Variants in XXYLT1 observed in about 807,000 individuals in gnomAD.
The protein encoded by XXYLT1 is xyloside xylosyltransferase 1.
In XXYLT1, 20 loss-of-function variants were observed where a neutral mutation model predicts 28.9. That is an observed-to-expected ratio of 0.69 (90% CI 0.49 to 1.00). XXYLT1 has a LOEUF of 1.00. XXYLT1 is among the 50% of genes least tolerant of loss of function. XXYLT1 has a pLI of 0.00. For missense variants in XXYLT1, 542 were observed against 560.1 expected (o/e 0.97, Z 0.33); for synonymous variants, 257 against 253.8 (o/e 1.01, Z -0.12).
intron 3 of XXYLT1, among the ~76,000 whole-genome samples, chr3:195,080,552 G>A (rs1715375808): frequency 1.3e-5 from 2 of 152,158 alleles, no homozygotes; most frequent in Admixed American, 1.3e-4. Context: ...CGGGGGTGGG[G>A]GGGATGGGGG....
At chr3:195,112,852 C>CGCATGCACACACAT (rs1206847445) in intron 3 of XXYLT1, among the ~76,000 whole-genome samples, 1 of 146,498 alleles carries the variant, frequency 6.8e-6, no homozygotes, top group East Asian at 1.9e-4. Context: ...CACACCCACA[C>CGCATGCACACACAT]GCATGCACAC....
At chr3:195,113,684 G>A (rs567122912) in intron 3 of XXYLT1, among the ~76,000 whole-genome samples, 12 of 152,078 alleles carry the variant, frequency 7.9e-5, no homozygotes, top group African/African-American at 1.9e-4. Flanking sequence ...ACACCTACTC[G>A]GAGCCAGGCC....
intron 2 of XXYLT1, among the ~76,000 whole-genome samples, chr3:195,170,778 G>A (rs1721365603): frequency 6.6e-6 from 1 of 152,096 alleles, no homozygotes; most frequent in Non-Finnish European, 1.5e-5. Context: ...AGCAGTGACT[G>A]TCACCTGTAA....
At chr3:195,111,852 A>G (rs1354192243) in intron 3 of XXYLT1, among the ~76,000 whole-genome samples, 1 of 152,234 alleles carries the variant, frequency 6.6e-6, no homozygotes, top group Non-Finnish European at 1.5e-5. Flanking sequence ...AAGATTTAAA[A>G]TTGAGGTAAA....
intron 1 of XXYLT1, among the ~76,000 whole-genome samples, chr3:195,261,609 G>A (rs1725702154): frequency 6.6e-6 from 1 of 152,108 alleles, no homozygotes; most frequent in Non-Finnish European, 1.5e-5. Context: ...CCATGTCCTC[G>A]GAATATGCCC....
intron 2 of XXYLT1, among the ~76,000 whole-genome samples, chr3:195,225,206 G>C (rs1723995990): frequency 6.6e-6 from 1 of 152,194 alleles, no homozygotes; most frequent in Non-Finnish European, 1.5e-5. Flanking sequence ...ACCAATGCTA[G>C]ATCTTCACCC....
intron 3 of XXYLT1, among the ~76,000 whole-genome samples, chr3:195,141,561 C>A (rs1248365014): frequency 6.6e-6 from 1 of 152,178 alleles, no homozygotes; most frequent in Non-Finnish European, 1.5e-5. Flanking sequence ...GGCTACACTG[C>A]CAGCCACCTC....
At chr3:195,203,801 GCTT>G (rs1722952301) in intron 2 of XXYLT1, among the ~76,000 whole-genome samples, 1 of 152,172 alleles carries the variant, frequency 6.6e-6, no homozygotes, top group South Asian at 2.1e-4. Context: ...GCACTGCTGT[GCTT>G]CTTGTCTGAG....
At chr3:195,137,156 G>A (rs1013913268) in intron 3 of XXYLT1, among the ~76,000 whole-genome samples, 2 of 152,158 alleles carry the variant, frequency 1.3e-5, no homozygotes, top group African/African-American at 4.8e-5. Context: ...AAGGGGCACT[G>A]AAGGGAAGAA....
At chr3:195,074,501 T>C (rs1281426497) in intron 3 of XXYLT1, among the ~76,000 whole-genome samples, 1 of 152,132 alleles carries the variant, frequency 6.6e-6, no homozygotes, top group African/African-American at 2.4e-5. Flanking sequence ...GAAGGGACCT[T>C]GTTTTCCAGT....
intron 3 of XXYLT1, among the ~76,000 whole-genome samples, chr3:195,101,532 A>G (rs965484481): frequency 6.6e-6 from 1 of 152,264 alleles, no homozygotes; most frequent in East Asian, 1.9e-4. Flanking sequence ...TTCCTTTTGT[A>G]TACTACATAT....
At chr3:195,233,985 C>T (rs575766523) in intron 1 of XXYLT1, among the ~76,000 whole-genome samples, 5 of 152,160 alleles carry the variant, frequency 3.3e-5, no homozygotes, top group African/African-American at 7.2e-5. Flanking sequence ...GGTGCGATCT[C>T]GGGTCACTGC....
chr3:195,208,018 G>C (rs1162591434), intron 2 of XXYLT1, among the ~76,000 whole-genome samples: 2 of 152,156 alleles, frequency 1.3e-5, no homozygotes, highest in Non-Finnish European at 2.9e-5. Context: ...CAGTCCCAGA[G>C]TGACAGGCCA....
chr3:195,174,004 G>A (rs1187332009), intron 2 of XXYLT1, among the ~76,000 whole-genome samples: 2 of 152,220 alleles, frequency 1.3e-5, no homozygotes, highest in Admixed American at 1.3e-4. Flanking sequence ...GTCAGAGGAT[G>A]GAGAGGAAGC....
intron 1 of XXYLT1, among the ~76,000 whole-genome samples, chr3:195,227,762 C>A (rs1162355227): frequency 1.3e-5 from 2 of 152,192 alleles, no homozygotes; most frequent in African/African-American, 4.8e-5. Context: ...CACACTCTTT[C>A]CACCATAAAC....
intron 3 of XXYLT1, among the ~76,000 whole-genome samples, chr3:195,146,092 C>T (rs1453212944): frequency 2.0e-5 from 3 of 152,170 alleles, no homozygotes; most frequent in East Asian, 1.9e-4. Context: ...ACTTCAGATC[C>T]GTTTCACTTA....
At chr3:195,141,034 A>G (rs1719461363) in intron 3 of XXYLT1, among the ~76,000 whole-genome samples, 1 of 152,178 alleles carries the variant, frequency 6.6e-6, no homozygotes, top group Non-Finnish European at 1.5e-5. Flanking sequence ...AGAGGATACA[A>G]GACGGCCATC....
intron 2 of XXYLT1, among the ~76,000 whole-genome samples, chr3:195,186,399 G>C (rs768632069): frequency 6.6e-6 from 1 of 152,142 alleles, no homozygotes; most frequent in Admixed American, 6.5e-5. Flanking sequence ...CCAATCCCTC[G>C]CACAGCTTTC....
intron 2 of XXYLT1, among the ~76,000 whole-genome samples, chr3:195,174,327 C>T (rs1721552917): frequency 1.3e-5 from 2 of 152,096 alleles, no homozygotes; most frequent in South Asian, 2.1e-4. Flanking sequence ...TAGGACTTCC[C>T]ACAGTTGGCA....
Sources: allele counts gnomAD v4.1 joint callset (sites outside exome capture counted in the v4.1 genomes callset), GRCh38; gene constraint gnomAD v4.1.1; transcripts MANE v1.5; gene names NCBI Gene and HGNC (gene_info 2026-07-23, HGNC 2026-07-21).